NEUROG2: variants seen among roughly 807,000 people sequenced by gnomAD.
The protein encoded by NEUROG2 is neurogenin 2.
A neutral mutation model predicts 2.8 loss-of-function variants in NEUROG2; 1 was observed. The observed-to-expected ratio is 0.36, with a 90% CI of 0.13 to 1.71. The LOEUF (loss-of-function observed/expected upper bound fraction) is 1.71. Among genes scored for constraint, NEUROG2 ranks in the 40% most tolerant of loss-of-function variants. The pLI, the probability that NEUROG2 is intolerant of heterozygous loss-of-function variation, is 0.34. For synonymous variants in NEUROG2, 211 were observed against 187.7 expected (o/e 1.12, Z -1.01); for missense variants, 397 against 392.7 (o/e 1.01, Z -0.09).
At position 112,514,975 on chromosome 4, in the gene NEUROG2, G is replaced by C; in HGVS notation, c.501C>G (p.Thr167=). ...CCCCGCAGTGATCCGCCAGGCGCAG[G>C]GTCTCGGTGAGTGCCCAGATGTAGT... ...AHNYIWALTE[T]LRLADHCGGG... Residue 167 remains threonine (T), a synonymous_variant, in exon 2 of 2, where the codon ACC becomes ACG. Transcript: ENST00000313341. The C allele has an allele frequency of 6.2e-7, 1 of 1,613,614 alleles. No individual in the cohort carries two copies. The highest frequency in any genetic ancestry group is 8.5e-7 in the Non-Finnish European group (1 of 1,179,824).
chr4:112,514,872 T>C lies in NEUROG2; in HGVS notation c.604A>G (p.Ser202Gly). Residue 202 changes from serine to glycine, a missense_variant, in exon 2 of 2, where the codon AGC becomes GGC. Ser to Gly is a moderately conservative substitution (Grantham distance 56). Transcript: ENST00000313341. ...GGCGAGGGGCTGTCTCCGCTGCTGC[T>C]CAGGGCGGCGCTGGCTCCTCCCGGG... ...LSPGGASAAL[S>G]SSGDSPSPAS... is the part of the protein sequence containing the mutation. The C allele has an allele frequency of 1.2e-6, 2 of 1,600,996 alleles. No homozygotes were observed. Among genetic ancestry groups the C allele is most frequent in the Non-Finnish European group, 1.7e-6 (2 of 1,175,938 alleles).
Position 112,514,789 on chromosome 4 carries a change from A to G in NEUROG2, c.687T>C (p.Asn229=), listed in dbSNP as rs2148785496. The G allele has an allele frequency of 6.4e-7, 1 of 1,554,120 alleles. No homozygotes were observed. Among genetic ancestry groups the G allele is most frequent in the East Asian group, 2.3e-5 (1 of 44,350 alleles). The change falls in exon 2 of 2, where the codon AAT becomes AAC. Residue 229 remains asparagine, a synonymous_variant. Transcript: ENST00000313341. ...AAGTGCAGCTGTAGGGGGAGGTGGAATTGGAGGACACGGAGGAGGACGGCG... is the reference window on the plus strand; with the variant it reads ...AAGTGCAGCTGTAGGGGGAGGTGGAGTTGGAGGACACGGAGGAGGACGGCG... ...SPAPSSSVSS[N]STSPYSCTLS... is the part of the protein sequence containing the mutation.
At position 112,515,241 on chromosome 4, in the gene NEUROG2, G is replaced by T; in HGVS notation, c.235C>A (p.Leu79Met). Reference sequence around the variant, plus strand: ...TTGCAATCGTGTACCAGACCCAGCAGCCGTGCGGGCCGGCAGCCCTCCGCA... The same window carrying T: ...TTGCAATCGTGTACCAGACCCAGCATCCGTGCGGGCCGGCAGCCCTCCGCA... ...AGAEGCRPAR[L>M]LGLVHDCKRR... Residue 79 changes from leucine (L) to methionine (M), a missense_variant, in exon 2 of 2, where the codon CTG becomes ATG. Leu to Met is a conservative substitution (Grantham distance 15). Transcript: ENST00000313341. 6.3e-7 allele frequency: 1 copy of T among 1,589,684 alleles called. No homozygotes were observed. Among genetic ancestry groups the T allele is most frequent in the Non-Finnish European group, 8.5e-7 (1 of 1,174,590 alleles).
At chr4:112,515,547 A>T (rs868730494) in intron 1 of NEUROG2, 71 bp from the exon 2 acceptor site, 1 of 1,361,432 alleles carries the variant, frequency 7.3e-7, no homozygotes. Context: ...TCTTCGTGTC[A>T]CAGGGGCGTG....
Position 112,515,458 on chromosome 4 carries a change from C to A in NEUROG2, c.18G>T (p.Glu6Asp). The change falls in exon 2 of 2, where the codon GAG becomes GAT. Residue 6 changes from glutamate (E) to aspartate (D), a missense_variant. Transcript: ENST00000313341. Reference sequence around the variant, plus strand: ...CCTCTTCCTCCTTCAACTCCAAGGTCTCGGATTTGACGAACATCCTACCGA... The same window carrying A: ...CCTCTTCCTCCTTCAACTCCAAGGTATCGGATTTGACGAACATCCTACCGA... MFVKS[E>D]TLELKEEEDV... The A allele has an allele frequency of 6.6e-7, 1 of 1,524,064 alleles. No individual in the cohort carries two copies. The highest frequency in any genetic ancestry group is 1.3e-5 in the South Asian group (1 of 79,912). The allele number at this position is 1,524,064 out of a possible 1,614,324, so 94.4% of individuals were successfully genotyped here.
Position 112,515,496 on chromosome 4 carries a change from GA to G in NEUROG2, c.-1-21del, listed in dbSNP as rs1578611824. 26 of 1,503,856 alleles carry G rather than the reference GA, an allele frequency of 1.7e-5. No homozygotes were observed. Among genetic ancestry groups the G allele is most frequent in the Admixed American group, 9.7e-5 (4 of 41,184 alleles). 93.2% of individuals were successfully genotyped at this position (1,503,856 alleles called of 1,614,324 possible). A position where few individuals can be genotyped will look rare whatever the true frequency, so the allele number is the denominator to read the frequency against. ...AACATCCTACCGAAGAGAGAAAGGGGAAAAAGGCAGTGAGGTGTAAGGAAAG... is the reference window on the plus strand; with the variant it reads ...AACATCCTACCGAAGAGAGAAAGGGGAAAAGGCAGTGAGGTGTAAGGAAAG... On this transcript the variant is annotated intron_variant, in intron 1 of 1. Coordinates refer to ENST00000313341, the MANE Select transcript of NEUROG2 (RefSeq NM_024019.4).
At position 112,515,389 on chromosome 4, in the gene NEUROG2, G is replaced by C. The variant is rs778857597; in HGVS notation, c.87C>G (p.Ala29=). The C allele has an allele frequency of 4.6e-6, 7 of 1,525,702 alleles. No homozygotes were observed. The Admixed American group carries it at 1.2e-4, about 27-fold the overall frequency. The allele number at this position is 1,525,702 out of a possible 1,614,324, so 94.5% of individuals were successfully genotyped here. Residue 29 remains alanine, a synonymous_variant, in exon 2 of 2, where the codon GCC becomes GCG. Coordinates refer to ENST00000313341, the MANE Select transcript of NEUROG2 (RefSeq NM_024019.4). ...CGGCGCTGGATGACAGCGGGGTCAG[G>C]GCCGCCAAGGCGGGGGAGGCCGATC... is the stretch of plus-strand genomic sequence containing the variant. ...LLGSASPALA[A]LTPLSSSADE...
At position 112,515,461 on chromosome 4, in the gene NEUROG2, G is replaced by A. The variant is rs1259589838; in HGVS notation, c.15C>T (p.Ser5=). The A allele has an allele frequency of 2.0e-6, 3 of 1,522,706 alleles. No individual in the cohort carries two copies. The highest frequency in any genetic ancestry group is 2.6e-6 in the Non-Finnish European group (3 of 1,148,640). 94.3% of individuals were successfully genotyped at this position (1,522,706 alleles called of 1,614,324 possible). The change falls in exon 2 of 2, where the codon TCC becomes TCT. Residue 5 remains serine, a synonymous_variant. Coordinates refer to ENST00000313341, the MANE Select transcript of NEUROG2 (RefSeq NM_024019.4). MFVK[S]ETLELKEEED... ...CTTCCTCCTTCAACTCCAAGGTCTC[G>A]GATTTGACGAACATCCTACCGAAGA...
rs538880485 is a variant in NEUROG2, at chr4:112,514,963, C to T, written c.513G>A (p.Ala171=). Reference sequence around the variant, plus strand: ...CCCCGCCGCCGCCCCCGCAGTGATCCGCCAGGCGCAGGGTCTCGGTGAGTG... The same window carrying T: ...CCCCGCCGCCGCCCCCGCAGTGATCTGCCAGGCGCAGGGTCTCGGTGAGTG... ...IWALTETLRL[A]DHCGGGGGGL... Residue 171 remains alanine, a synonymous_variant, in exon 2 of 2, where the codon GCG becomes GCA. Transcript: ENST00000313341. The T allele has an allele frequency of 6.2e-7, 1 of 1,613,134 alleles. No individual in the cohort carries two copies. The highest frequency in any genetic ancestry group is 1.7e-5 in the Admixed American group (1 of 59,946).
rs747333683 is a variant in NEUROG2, at chr4:112,515,404, G to C, written c.72C>G (p.Ser24=). ...EDVLVLLGSA[S]PALAALTPLS... is the part of the protein sequence containing the mutation. Reference sequence around the variant, plus strand: ...GCGGGGTCAGGGCCGCCAAGGCGGGGGAGGCCGATCCGAGCAGCACTAACA... The same window carrying C: ...GCGGGGTCAGGGCCGCCAAGGCGGGCGAGGCCGATCCGAGCAGCACTAACA... The change falls in exon 2 of 2, where the codon TCC becomes TCG. Residue 24 remains serine, a synonymous_variant. Coordinates refer to ENST00000313341, the MANE Select transcript of NEUROG2 (RefSeq NM_024019.4). 2.0e-6 allele frequency: 3 copies of C among 1,525,850 alleles called. No individual in the cohort carries two copies. Among genetic ancestry groups the C allele is most frequent in the Admixed American group, 4.2e-5 (2 of 47,778 alleles). 94.5% of individuals were successfully genotyped at this position (1,525,850 alleles called of 1,614,324 possible).
chr4:112,514,896 G>C lies in NEUROG2; in HGVS notation c.580C>G (p.Pro194Ala). The C allele has an allele frequency of 6.2e-7, 1 of 1,602,656 alleles. No individual in the cohort carries two copies. Among genetic ancestry groups the C allele is most frequent in the Non-Finnish European group, 8.5e-7 (1 of 1,176,324 alleles). ...ALFSEAVLLS[P>A]GGASAALSSS... ...CTCAGGGCGGCGCTGGCTCCTCCCG[G>C]GCTCAGCAACACTGCCTCGGAGAAG... The change falls in exon 2 of 2, where the codon CCG (proline) becomes GCG (alanine). Residue 194 changes from proline to alanine, a missense_variant. Pro to Ala is a conservative substitution (Grantham distance 27). Transcript: ENST00000313341.
Position 112,514,742 on chromosome 4 carries a change from C to A in NEUROG2, c.734G>T (p.Gly245Val), listed in dbSNP as rs921265340. Residue 245 changes from glycine (G) to valine (V), a missense_variant, in exon 2 of 2, where the codon GGG becomes GTG. By Grantham distance (109) the Gly-to-Val change is moderately radical. Transcript: ENST00000313341. ...SCTLSPASPA[G>V]SDMDYWQPPP... ...GGGCTGCCAATAGTCCATGTCTGAC[C>A]CGGCCGGGCTGGCGGGCGATAAAGT... 2.6e-6 allele frequency: 4 copies of A among 1,531,016 alleles called. No individual in the cohort carries two copies. Among genetic ancestry groups the A allele is most frequent in the Non-Finnish European group, 3.5e-6 (4 of 1,143,434 alleles). 94.8% of individuals were successfully genotyped at this position (1,531,016 alleles called of 1,614,324 possible).
At chr4:112,515,551 G>T (rs941721295) in intron 1 of NEUROG2, 75 bp from the exon 2 acceptor site, 1 of 1,343,708 alleles carries the variant, frequency 7.4e-7, no homozygotes, top group African/African-American at 1.5e-5. Context: ...CGTGTCACAG[G>T]GGCGTGCTCC....
rs1182953284 is a variant in NEUROG2, at chr4:112,513,766, C to A, written c.*891G>T. 2 of 152,574 alleles carry A rather than the reference C, an allele frequency of 1.3e-5. No individual in the cohort carries two copies. Among genetic ancestry groups the A allele is most frequent in the East Asian group, 3.9e-4 (2 of 5,194 alleles). The allele number at this position is 152,574 out of a possible 1,614,324, so 9.5% of individuals were successfully genotyped here. A position where few individuals can be genotyped will look rare whatever the true frequency, so the allele number is the denominator to read the frequency against. ...TTGAAAGAATGGGGGAGTTCCTTCT[C>A]CCCTAAAAGGTCGAAATAAATAATA... On this transcript the variant is annotated 3_prime_UTR_variant, in exon 2 of 2. Coordinates refer to ENST00000313341, the MANE Select transcript of NEUROG2 (RefSeq NM_024019.4).
chr4:112,515,681 G>T (rs1228553996), intron 1 of NEUROG2, 166 bp downstream of exon 1: 3 of 397,894 alleles, frequency 7.5e-6, no homozygotes, highest in East Asian at 8.9e-5. Flanking sequence ...CCTGCTGCCA[G>T]TCAGCCGGGT....
chr4:112,514,664 C>T lies in NEUROG2; in HGVS notation c.812G>A (p.Cys271Tyr). 1 of 1,507,222 alleles carries T rather than the reference C, an allele frequency of 6.6e-7. No homozygotes were observed. The highest frequency in any genetic ancestry group is 8.9e-7 in the Non-Finnish European group (1 of 1,129,624). The allele number at this position is 1,507,222 out of a possible 1,614,324, so 93.4% of individuals were successfully genotyped here. ...YAPHLPIARD[C>Y]I ...GTAGCAGAAATGGCAGCTCTAGATA[C>T]AATCCCTGGCTATGGGGAGGTGAGG... is the stretch of plus-strand genomic sequence containing the variant. The change falls in exon 2 of 2, where the codon TGT becomes TAT. Residue 271 changes from cysteine (C) to tyrosine (Y), a missense_variant. Transcript: ENST00000313341.
Position 112,515,023 on chromosome 4 carries a change from G to T in NEUROG2, c.453C>A (p.Ile151=). The T allele has an allele frequency of 6.8e-6, 11 of 1,613,974 alleles. No homozygotes were observed. Among genetic ancestry groups the T allele is most frequent in the Non-Finnish European group, 9.3e-6 (11 of 1,179,904 alleles). Residue 151 remains isoleucine, a synonymous_variant, in exon 2 of 2, where the codon ATC becomes ATA. Transcript: ENST00000313341. ...AGTTGTGGGCGAAGCGCAGGGTCTC[G>T]ATCTTGGTGAGCTTGGCGTCCTCGG... ...TFPEDAKLTK[I]ETLRFAHNYI...
At chr4:112,515,753 A>G (rs1360822779) in intron 1 of NEUROG2, 94 bp downstream of exon 1, 1 of 292,064 alleles carries the variant, frequency 3.4e-6, no homozygotes, top group Non-Finnish European at 6.4e-6. Flanking sequence ...CTCCGCGACA[A>G]AGATTCTGCG....
chr4:112,516,166 G>C lies in NEUROG2; in HGVS notation c.-321C>G, dbSNP rs963183371. ...AACGCGAAGCTGCTTGTGGTTCAGT[G>C]GCTGCGTGTCTGGCACACGACTCTC... is the stretch of plus-strand genomic sequence containing the variant. On this transcript the variant is annotated 5_prime_UTR_variant, in exon 1 of 2. Transcript: ENST00000313341. The C allele has an allele frequency of 6.5e-6, 1 of 152,818 alleles. No individual in the cohort carries two copies. Among genetic ancestry groups the C allele is most frequent in the African/African-American group, 2.4e-5 (1 of 41,402 alleles). 9.5% of individuals were successfully genotyped at this position (152,818 alleles called of 1,614,324 possible).
Sources: allele counts gnomAD v4.1 joint callset, GRCh38; gene constraint gnomAD v4.1.1; transcripts MANE v1.5; gene names NCBI Gene and HGNC (gene_info 2026-07-23, HGNC 2026-07-21).